Variants in CSMD1 observed in about 807,000 individuals in gnomAD.
CSMD1 encodes CUB and Sushi multiple domains 1.
In CSMD1, 213 loss-of-function variants were observed where a neutral mutation model predicts 417.5. That is an observed-to-expected ratio of 0.51 (90% CI 0.46 to 0.57). The LOEUF is 0.57. Ranked by LOEUF, CSMD1 falls within the 20% of genes least tolerant of loss-of-function variation. The pLI, the probability that CSMD1 is intolerant of heterozygous loss-of-function variation, is 0.00. For missense variants in CSMD1, 6,923 were observed against 4,529.7 expected (o/e 1.53, Z -15.17); for synonymous variants, 2,862 against 1,736.8 (o/e 1.65, Z -16.11).
chr8:3,825,829 T>TTATTAAATGG (rs1802026411), intron 5 of CSMD1, among the ~76,000 whole-genome samples: 1 of 152,150 alleles, frequency 6.6e-6, no homozygotes, highest in Non-Finnish European at 1.5e-5. Flanking sequence ...TAAATCCCAT[T>TTATTAAATGG]TAAATATGAA....
chr8:4,703,869 G>A (rs1033127659), intron 1 of CSMD1, among the ~76,000 whole-genome samples: 2 of 152,176 alleles, frequency 1.3e-5, no homozygotes, highest in Admixed American at 1.3e-4. Context: ...TCCATGGACA[G>A]CAGGGTTGGG....
chr8:4,529,871 T>C (rs1350291876), intron 2 of CSMD1, among the ~76,000 whole-genome samples: 2 of 124,448 alleles, frequency 1.6e-5, no homozygotes, highest in African/African-American at 6.8e-5. Flanking sequence ...GCTGCTGCCA[T>C]TGTTTTTTTT....
At chr8:3,641,225 G>A (rs1224893199) in intron 7 of CSMD1, among the ~76,000 whole-genome samples, 2 of 151,904 alleles carry the variant, frequency 1.3e-5, no homozygotes, top group East Asian at 3.9e-4. Flanking sequence ...TTTCCACTTG[G>A]CTGCTTCTCT....
chr8:4,914,583 GAA>G (rs59293226), intron 1 of CSMD1, among the ~76,000 whole-genome samples: 12,146 of 133,578 alleles, frequency 0.091, 662 homozygotes, highest in African/African-American at 0.19. Context: ...CTCCCAAAAA[GAA>G]AAAAAAAAAA....
At chr8:4,739,560 G>C (rs1414714309) in intron 1 of CSMD1, among the ~76,000 whole-genome samples, 1 of 152,144 alleles carries the variant, frequency 6.6e-6, no homozygotes, top group African/African-American at 2.4e-5. Flanking sequence ...AGCTCCAGAA[G>C]ATCTTTTGAC....
chr8:4,486,783 C>T (rs1459580278), intron 2 of CSMD1, among the ~76,000 whole-genome samples: 1 of 152,138 alleles, frequency 6.6e-6, no homozygotes, highest in Non-Finnish European at 1.5e-5. Flanking sequence ...GATAAACGAT[C>T]CTGAAAACTG....
intron 5 of CSMD1, among the ~76,000 whole-genome samples, chr8:3,850,624 G>C (rs1233117281): frequency 6.6e-6 from 1 of 152,164 alleles, no homozygotes; most frequent in Non-Finnish European, 1.5e-5. Flanking sequence ...GAACCTGGGG[G>C]GCGGAGGTTG....
At chr8:4,182,958 A>G (rs1271290461) in intron 3 of CSMD1, among the ~76,000 whole-genome samples, 8 of 152,172 alleles carry the variant, frequency 5.3e-5, no homozygotes, top group African/African-American at 1.4e-4. Flanking sequence ...AATGGCCAAT[A>G]AAGAAAGAGG....
intron 49 of CSMD1, among the ~76,000 whole-genome samples, chr8:3,083,645 TA>T (rs879583465): frequency 1.4e-3 from 40 of 28,790 alleles, no homozygotes; most frequent in Admixed American, 2.4e-3. Flanking sequence ...TATATATATA[TA>T]TATTTTTTTT....
intron 4 of CSMD1, among the ~76,000 whole-genome samples, chr8:4,004,438 G>C (rs1377925137): frequency 2.7e-5 from 4 of 149,612 alleles, no homozygotes; most frequent in Admixed American, 2.0e-4. Context: ...TTTTTTTAAA[G>C]GAAAGGCTAT....
At chr8:4,534,177 C>T (rs11136749) in intron 2 of CSMD1, among the ~76,000 whole-genome samples, 50,626 of 151,974 alleles carry the variant, frequency 0.33, 9,540 homozygotes, top group South Asian at 0.46. Context: ...AGAAAGCATT[C>T]GCTAGGGAGC....
At chr8:4,108,887 A>G (rs999358941) in intron 3 of CSMD1, among the ~76,000 whole-genome samples, 8 of 152,204 alleles carry the variant, frequency 5.3e-5, no homozygotes, top group Non-Finnish European at 1.0e-4. Context: ...ACTTTAGTGG[A>G]AACAGCCAGA....
At chr8:2,958,584 G>A (rs752446902) in intron 62 of CSMD1, among the ~76,000 whole-genome samples, 13 of 152,184 alleles carry the variant, frequency 8.5e-5, no homozygotes, top group East Asian at 1.9e-4. Context: ...GTGTTGAGGG[G>A]CACCAAAGAT....
chr8:4,640,045 T>C (rs1190540007), intron 1 of CSMD1, among the ~76,000 whole-genome samples: 1 of 151,942 alleles, frequency 6.6e-6, no homozygotes, highest in African/African-American at 2.4e-5. Context: ...AAAAGAAAAA[T>C]CAGTTCAACA....
intron 36 of CSMD1, among the ~76,000 whole-genome samples, chr8:3,183,373 G>T (rs964225717): frequency 4.8e-5 from 7 of 146,806 alleles, no homozygotes; most frequent in African/African-American, 1.8e-4. Context: ...CGATACCATC[G>T]GCACCCACCG....
chr8:4,719,864 A>G (rs1489435029), intron 1 of CSMD1, among the ~76,000 whole-genome samples: 1 of 152,144 alleles, frequency 6.6e-6, no homozygotes, highest in Non-Finnish European at 1.5e-5. Flanking sequence ...AAATATGGGA[A>G]AGGACTCCCT....
At chr8:3,188,821 A>T in intron 35 of CSMD1, 66 bp downstream of exon 35, 6 of 1,340,164 alleles carry the variant, frequency 4.5e-6, no homozygotes, top group Non-Finnish European at 5.9e-6. Flanking sequence ...GAACAAAAGA[A>T]TGAAAGAAAG....
chr8:2,978,926 G>T, intron 54 of CSMD1, 126 bp from the exon 55 acceptor site: 2 of 798,926 alleles, frequency 2.5e-6, no homozygotes, highest in Non-Finnish European at 3.8e-6. Flanking sequence ...GATGGCTGAG[G>T]CTCATGAAAT....
chr8:4,017,195 T>C (rs1047810864), intron 4 of CSMD1, among the ~76,000 whole-genome samples: 2 of 152,238 alleles, frequency 1.3e-5, no homozygotes, highest in African/African-American at 4.8e-5. Flanking sequence ...TAGATATCTT[T>C]TTTTAAAGTT....
Sources: gnomAD v4.1 joint callset for allele counts (sites outside exome capture counted in the v4.1 genomes callset) on GRCh38, gnomAD v4.1.1 for gene constraint, MANE v1.5 for transcripts, NCBI Gene and HGNC (gene_info 2026-07-23, HGNC 2026-07-21) for gene names.